The following FHIT variants were observed in gnomAD, a reference collection of about 807,000 sequenced individuals.
The protein encoded by FHIT is fragile histidine triad diadenosine triphosphatase, also known as bis(5'-adenosyl)-triphosphatase.
Under a neutral mutation model 17.9 loss-of-function variants are expected in FHIT, and 19 were observed. The ratio of observed to expected loss-of-function variants is 1.06; its 90% CI spans 0.74 to 1.56. The LOEUF is 1.56. Ranked by LOEUF, FHIT falls within the 40% of genes most tolerant of loss-of-function variation. The probability of loss-of-function intolerance (pLI) is 0.00; values close to 1 mark genes in which losing one functional copy is unlikely to be tolerated. For missense variants in FHIT, 248 were observed against 189.2 expected (o/e 1.31, Z -1.82); for synonymous variants, 81 against 69.7 (o/e 1.16, Z -0.81).
intron 5 of FHIT, among the ~76,000 whole-genome samples, chr3:60,058,427 C>T (rs956710457): frequency 2.0e-5 from 3 of 152,084 alleles, no homozygotes; most frequent in African/African-American, 4.8e-5. Context: ...CCGTGCTGAC[C>T]GTGTACAGAG....
chr3:60,163,001 A>C (rs1050605255), intron 5 of FHIT, among the ~76,000 whole-genome samples: 1 of 152,220 alleles, frequency 6.6e-6, no homozygotes, highest in Non-Finnish European at 1.5e-5. Flanking sequence ...AACTTTAAAA[A>C]ATTCTAACAA....
intron 4 of FHIT, among the ~76,000 whole-genome samples, chr3:60,552,499 T>C (rs1478075542): frequency 2.0e-5 from 3 of 152,318 alleles, no homozygotes; most frequent in East Asian, 3.9e-4. Context: ...CACTCCCAGA[T>C]ATTTTAAATT....
intron 2 of FHIT, among the ~76,000 whole-genome samples, chr3:61,197,050 C>T (rs1394213333): frequency 5.3e-5 from 8 of 152,146 alleles, no homozygotes; most frequent in Non-Finnish European, 1.2e-4. Context: ...AAGCACTATA[C>T]AAGGTGGTTG....
At chr3:60,227,357 G>A (rs1254438591) in intron 5 of FHIT, among the ~76,000 whole-genome samples, 1 of 152,138 alleles carries the variant, frequency 6.6e-6, no homozygotes, top group Non-Finnish European at 1.5e-5. Context: ...GATTCCCGAA[G>A]GACCACCATC....
chr3:60,898,417 G>C (rs1705939050), intron 3 of FHIT, among the ~76,000 whole-genome samples: 1 of 152,090 alleles, frequency 6.6e-6, no homozygotes, highest in African/African-American at 2.4e-5. Flanking sequence ...AGATTTTCAG[G>C]GTTTTGATAT....
At chr3:59,766,442 T>A (rs914254852) in intron 8 of FHIT, among the ~76,000 whole-genome samples, 1 of 152,178 alleles carries the variant, frequency 6.6e-6, no homozygotes, top group African/African-American at 2.4e-5. Flanking sequence ...CTTCACTGAA[T>A]CCCGACTAGG....
chr3:61,042,047 C>T lies in FHIT; in HGVS notation c.-111G>A, dbSNP rs2033543079. On this transcript the variant is annotated splice_region_variant and 5_prime_UTR_variant, in exon 3 of 10. Coordinates refer to ENST00000492590, the MANE Select transcript of FHIT (RefSeq NM_002012.4). ...TAAGTATTTTAAGAAATGGTTTTAC[C>T]TTCTTTCTCTTTCTCTCCCTTCCAC... 6.6e-6 allele frequency: 1 copy of T among 152,202 alleles called. No homozygotes were observed. Among genetic ancestry groups the T allele is most frequent in the Non-Finnish European group, 1.5e-5 (1 of 68,044 alleles). 9.4% of individuals were successfully genotyped at this position (152,202 alleles called of 1,614,324 possible).
intron 2 of FHIT, among the ~76,000 whole-genome samples, chr3:61,171,544 A>G (rs1359965004): frequency 6.6e-6 from 1 of 152,202 alleles, no homozygotes; most frequent in Non-Finnish European, 1.5e-5. Context: ...TTTATAAAAT[A>G]CACTAAAACA....
chr3:60,216,298 G>A (rs577190537), intron 5 of FHIT, among the ~76,000 whole-genome samples: 1 of 152,284 alleles, frequency 6.6e-6, no homozygotes, highest in South Asian at 2.1e-4. Context: ...GTCTAGGACA[G>A]CTGCATGCAA....
rs1166452657 is a variant in FHIT at position 60,354,361 on chromosome 3, A to G, written c.103+182499T>C. Reference sequence around the variant, plus strand: ...TATGTGGCCCATCAGATTTGTAAAAATGAAAATCCAAGGCATAGGATTTGA... The same window carrying G: ...TATGTGGCCCATCAGATTTGTAAAAGTGAAAATCCAAGGCATAGGATTTGA... On this transcript the variant is annotated intron_variant, in intron 5 of 9. Coordinates refer to ENST00000492590, the MANE Select transcript of FHIT (RefSeq NM_002012.4). 2.6e-5 allele frequency among the ~76,000 whole-genome samples: 4 copies of G among 152,138 alleles called. No homozygotes were observed. The East Asian group carries it at 5.8e-4, about 22-fold the overall frequency.
chr3:60,563,026 T>C (rs938866874), intron 4 of FHIT, among the ~76,000 whole-genome samples: 38 of 152,172 alleles, frequency 2.5e-4, no homozygotes, highest in Admixed American at 1.0e-3. Flanking sequence ...CCCTATAAAA[T>C]GGCTAGCCTT....
intron 2 of FHIT, among the ~76,000 whole-genome samples, chr3:61,052,160 C>T (rs1034109789): frequency 1.3e-5 from 2 of 152,162 alleles, no homozygotes; most frequent in Non-Finnish European, 2.9e-5. Context: ...TCATGGTAAA[C>T]ATTTATTAAA....
intron 5 of FHIT, among the ~76,000 whole-genome samples, chr3:60,360,264 C>T (rs560622147): frequency 5.9e-4 from 90 of 151,904 alleles, no homozygotes; most frequent in African/African-American, 2.0e-3. Flanking sequence ...TGGAGTCTCA[C>T]TCTGAAACAA....
At chr3:60,780,899 C>A (rs1700363317) in intron 4 of FHIT, among the ~76,000 whole-genome samples, 1 of 152,150 alleles carries the variant, frequency 6.6e-6, no homozygotes, top group African/African-American at 2.4e-5. Context: ...AAGCTGTGGG[C>A]AGGAAGTGCT....
chr3:60,758,738 T>G (rs1699534485), intron 4 of FHIT, among the ~76,000 whole-genome samples: 1 of 152,206 alleles, frequency 6.6e-6, no homozygotes. Context: ...AGGCACTATT[T>G]TATGAACTAG....
intron 4 of FHIT, among the ~76,000 whole-genome samples, chr3:60,561,146 C>T (rs1043575047): frequency 6.6e-6 from 1 of 151,526 alleles, no homozygotes; most frequent in Non-Finnish European, 1.5e-5. Flanking sequence ...TACACCAAAC[C>T]AAACCAAAAC....
At chr3:59,972,447 T>G (rs1708228939) in intron 7 of FHIT, among the ~76,000 whole-genome samples, 1 of 152,072 alleles carries the variant, frequency 6.6e-6, no homozygotes, top group Admixed American at 6.6e-5. Flanking sequence ...CTCACTGTAG[T>G]ATCATACATT....
intron 5 of FHIT, among the ~76,000 whole-genome samples, chr3:60,512,787 T>C (rs9828971): frequency 0.34 from 51,616 of 152,066 alleles, 9,180 homozygotes; most frequent in African/African-American, 0.43. Context: ...TAGTAGGCTG[T>C]TGCATGGGCC....
At chr3:60,955,409 C>A (rs1320227581) in intron 3 of FHIT, among the ~76,000 whole-genome samples, 2 of 151,776 alleles carry the variant, frequency 1.3e-5, no homozygotes, top group South Asian at 2.1e-4. Flanking sequence ...CCTGGAGTAG[C>A]CAAAGTCTTG....
Sources: allele counts gnomAD v4.1 joint callset (sites outside exome capture counted in the v4.1 genomes callset), GRCh38; gene constraint gnomAD v4.1.1; transcripts MANE v1.5; gene names NCBI Gene and HGNC (gene_info 2026-07-23, HGNC 2026-07-21).